The following MAGEA4 variants were observed in gnomAD, a reference collection of about 807,000 sequenced individuals.
The protein encoded by MAGEA4 is melanoma-associated antigen 4.
In MAGEA4, 1 loss-of-function variant was observed where a neutral mutation model predicts 13.7. That is an observed-to-expected ratio of 0.07 (90% CI 0.03 to 0.35). The LOEUF (loss-of-function observed/expected upper bound fraction) is 0.35, where lower values mean the gene tolerates loss of function less well. Among genes scored for constraint, MAGEA4 ranks in the 10% least tolerant of loss-of-function variants. The probability of loss-of-function intolerance (pLI) is 0.99; values close to 1 mark genes in which losing one functional copy is unlikely to be tolerated. For missense variants in MAGEA4, 312 were observed against 245.1 expected (o/e 1.27, Z -1.82); for synonymous variants, 132 against 101.1 (o/e 1.31, Z -1.83).
chrX:151,919,943 C>G (rs909410393), intron 1 of MAGEA4, among the ~76,000 whole-genome samples: 1 of 107,748 alleles, frequency 9.3e-6, no homozygotes, highest in Non-Finnish European at 1.9e-5. Flanking sequence ...AGGCATCAAC[C>G]TCAGGACTGT....
At chrX:151,922,379 G>A (rs749467794) in intron 1 of MAGEA4, among the ~76,000 whole-genome samples, 69 of 111,400 alleles carry the variant, frequency 6.2e-4, no homozygotes, top group African/African-American at 2.2e-3. Context: ...GGGGGTTGGG[G>A]GTTGAGGAAG....
intron 1 of MAGEA4, among the ~76,000 whole-genome samples, chrX:151,920,734 T>C (rs1173733075): frequency 1.0e-5 from 1 of 100,372 alleles, no homozygotes; most frequent in African/African-American, 3.7e-5. Flanking sequence ...AAGCCCTGGG[T>C]GGCCGGATGT....
At chrX:151,920,426 C>T (rs762379032) in intron 1 of MAGEA4, among the ~76,000 whole-genome samples, 1 of 111,042 alleles carries the variant, frequency 9.0e-6, no homozygotes, top group African/African-American at 3.3e-5. Context: ...ACCCCACTGC[C>T]GCTGAAGCCG....
intron 1 of MAGEA4, chrX:151,913,564 G>A (rs1014541370): frequency 1.5e-5 from 11 of 747,735 alleles, no homozygotes; most frequent in East Asian, 1.6e-4. Flanking sequence ...GGAGGGAAGC[G>A]GGCCAGGCCC....
chrX:151,921,669 C>T (rs1933446352), intron 1 of MAGEA4, among the ~76,000 whole-genome samples: 1 of 112,266 alleles, frequency 8.9e-6, no homozygotes, highest in Non-Finnish European at 1.9e-5. Flanking sequence ...TTTTCCCCTG[C>T]AGTCAACCCC....
intron 1 of MAGEA4, among the ~76,000 whole-genome samples, chrX:151,921,552 G>A (rs1272693192): frequency 8.9e-6 from 1 of 112,344 alleles, no homozygotes; most frequent in African/African-American, 3.2e-5. Flanking sequence ...GCTCTGCCTG[G>A]CATCGGGGTC....
intron 1 of MAGEA4, chrX:151,913,863 C>T (rs1486174508): frequency 9.7e-6 from 1 of 103,617 alleles, no homozygotes; most frequent in Non-Finnish European, 1.9e-5. Context: ...CATCCCCCAC[C>T]ACGTCCCCTT....
upstream of MAGEA4, chrX:151,912,476 G>A (rs749737670): frequency 2.3e-4 from 80 of 355,479 alleles, no homozygotes; most frequent in Non-Finnish European, 3.6e-4. Flanking sequence ...CCTGACTTGC[G>A]CATTGGTCTG....
In MAGEA4 at chrX:151,923,892, C is replaced by T. The variant is rs770669132; in HGVS notation, c.228C>T (p.Ile76=). The T allele has an allele frequency of 2.5e-6, 3 of 1,211,822 alleles. 1 individual carries two copies. Among genetic ancestry groups the T allele is most frequent in the Non-Finnish European group, 3.3e-6 (3 of 895,550 alleles). Residue 76 remains isoleucine (I), a synonymous_variant, in exon 3 of 3, where the codon ATC becomes ATT. Transcript: ENST00000276344. The part of the protein sequence containing the change: ...PQGASALPTT[I]SFTCWRQPNE... ...GAGCCTCTGCCTTACCCACTACCAT[C>T]AGCTTCACTTGCTGGAGGCAACCCA...
intron 1 of MAGEA4, among the ~76,000 whole-genome samples, chrX:151,921,273 A>G (rs958025405): frequency 8.9e-6 from 1 of 112,418 alleles, no homozygotes; most frequent in Non-Finnish European, 1.9e-5. Flanking sequence ...GGGTCAGAGA[A>G]TCAAGGGCAT....
chrX:151,920,087 C>T (rs1219720375), intron 1 of MAGEA4, among the ~76,000 whole-genome samples: 1 of 105,179 alleles, frequency 9.5e-6, no homozygotes, highest in Non-Finnish European at 2.0e-5. Context: ...CTTATGTCCT[C>T]ATCCCCCACC....
At chrX:151,921,586 G>A (rs1299999176) in intron 1 of MAGEA4, among the ~76,000 whole-genome samples, 2 of 112,050 alleles carry the variant, frequency 1.8e-5, no homozygotes, top group African/African-American at 3.2e-5. Context: ...GGAACTGAGG[G>A]CGCTACACCC....
rs747208689 is a variant in MAGEA4, at chrX:151,913,431, C to T, written c.-138+462C>T. On this transcript the variant is annotated intron_variant, in intron 1 of 2. Transcript: ENST00000276344. ...CCTCCCACCCCCATCCACGCTGAAT[C>T]GGGTTGCGCTCCCTCTTTCAACCCA... is the stretch of plus-strand genomic sequence containing the variant. The T allele has an allele frequency of 4.2e-4, 236 of 565,721 alleles. No individual in the cohort carries two copies. The African/African-American group carries it at 6.3e-3, about 15-fold the overall frequency. 46.6% of individuals were successfully genotyped at this position (565,721 alleles called of 1,213,427 possible). A position where few individuals can be genotyped will look rare whatever the true frequency, so the allele number is the denominator to read the frequency against.
intron 1 of MAGEA4, chrX:151,918,920 G>C (rs1029761238): frequency 6.8e-5 from 50 of 738,014 alleles, no homozygotes; most frequent in Non-Finnish European, 7.6e-5. Context: ...AAAGCCCCAG[G>C]GGCCCGGATG....
chrX:151,917,892 A>C (rs1410431635), intron 1 of MAGEA4, among the ~76,000 whole-genome samples: 1 of 97,633 alleles, frequency 1.0e-5, no homozygotes, highest in Non-Finnish European at 2.1e-5. Flanking sequence ...TCTGCCGGGC[A>C]TCAATCTCAG....
Position 151,923,940 on chromosome X carries a change from AGAG to A in MAGEA4, c.281_283del (p.Glu94del), listed in dbSNP as rs1334420849. On this transcript the variant is annotated inframe_deletion, in exon 3 of 3. Coordinates refer to ENST00000276344, the MANE Select transcript of MAGEA4 (RefSeq NM_001011548.1). ...CCAATGAGGGTTCCAGCAGCCAAGA[AGAG>A]GAGGGGCCAAGCACCTCGCCTGACG... The A allele has an allele frequency of 1.7e-6, 2 of 1,210,178 alleles. No individual in the cohort carries two copies. The highest frequency in any genetic ancestry group is 5.9e-5 in the East Asian group (2 of 33,776).
At chrX:151,923,415 G>A (rs543332211) in intron 1 of MAGEA4, 38 bp from the exon 2 acceptor site, 114 of 1,117,910 alleles carry the variant, frequency 1.0e-4, no homozygotes, top group Non-Finnish European at 4.2e-5. Context: ...TCTGCTGGCC[G>A]GCTATACCCT....
intron 1 of MAGEA4, among the ~76,000 whole-genome samples, chrX:151,919,212 G>A (rs1415902509): frequency 9.4e-6 from 1 of 106,127 alleles, no homozygotes; most frequent in Non-Finnish European, 1.9e-5. Flanking sequence ...CGAGCTTGGG[G>A]TGGTTAGTGT....
chrX:151,919,633 A>C, intron 1 of MAGEA4: 2 of 751,158 alleles, frequency 2.7e-6, no homozygotes, highest in Non-Finnish European at 3.1e-6. Flanking sequence ...TGACTTGCGC[A>C]TTGGGGGTTA....
Sources: gnomAD v4.1 joint callset for allele counts (sites outside exome capture counted in the v4.1 genomes callset) on GRCh38, gnomAD v4.1.1 for gene constraint, MANE v1.5 for transcripts, NCBI Gene and HGNC (gene_info 2026-07-23, HGNC 2026-07-21) for gene names.